The following PACSIN2 variants were observed in gnomAD, a reference collection of about 807,000 sequenced individuals.
PACSIN2 encodes the protein protein kinase C and casein kinase substrate in neurons 2, also known as protein kinase C and casein kinase substrate in neurons protein 2.
In PACSIN2, 25 loss-of-function variants were observed where a neutral mutation model predicts 63.8. That is an observed-to-expected ratio of 0.39 (90% CI 0.29 to 0.55). The LOEUF is 0.55. Ranked by LOEUF, PACSIN2 falls within the 20% of genes least tolerant of loss-of-function variation. The pLI is 0.62. For missense variants in PACSIN2, 518 were observed against 646.9 expected (o/e 0.80, Z 2.16); for synonymous variants, 255 against 256.2 (o/e 1.00, Z 0.05).
chr22:42,954,521 G>A (rs1194205330), intron 1 of PACSIN2, among the ~76,000 whole-genome samples: 2 of 152,164 alleles, frequency 1.3e-5, no homozygotes, highest in Non-Finnish European at 2.9e-5. Flanking sequence ...TGAGCCTTCT[G>A]AAGCTTGGAC....
chr22:42,873,600 G>T (rs1342310119), intron 10 of PACSIN2, among the ~76,000 whole-genome samples: 2 of 152,168 alleles, frequency 1.3e-5, no homozygotes, highest in Non-Finnish European at 1.5e-5. Context: ...TTTCCCACAA[G>T]TGTAGCCTAG....
At chr22:42,890,735 T>A (rs918371884) in intron 4 of PACSIN2, among the ~76,000 whole-genome samples, 4 of 152,084 alleles carry the variant, frequency 2.6e-5, no homozygotes, top group Non-Finnish European at 5.9e-5. Flanking sequence ...AATAAAAAAT[T>A]TAAAGAATGC....
intron 1 of PACSIN2, among the ~76,000 whole-genome samples, chr22:42,933,976 T>C (rs1405026558): frequency 6.6e-6 from 1 of 152,194 alleles, no homozygotes; most frequent in African/African-American, 2.4e-5. Context: ...GATACTCAAA[T>C]ACCAGTGAAA....
chr22:42,981,998 TG>T (rs1800416106), intron 1 of PACSIN2, among the ~76,000 whole-genome samples: 1 of 82,308 alleles, frequency 1.2e-5, no homozygotes, highest in African/African-American at 4.6e-5. Flanking sequence ...GGGAGGGAGG[TG>T]GGGGGGTCAG....
chr22:43,009,870 T>TTTTA (rs1924348931), intron 1 of PACSIN2, among the ~76,000 whole-genome samples: 1 of 68,334 alleles, frequency 1.5e-5, no homozygotes, highest in African/African-American at 3.6e-5. Flanking sequence ...TTTCTATTTT[T>TTTTA]TTTTTTTTTT....
chr22:42,975,543 G>A (rs1921636326), intron 1 of PACSIN2, among the ~76,000 whole-genome samples: 1 of 148,642 alleles, frequency 6.7e-6, no homozygotes, highest in South Asian at 2.1e-4. Context: ...TTACTTATGA[G>A]TCTCTTTTTA....
chr22:42,898,277 C>CTT lies in PACSIN2; in HGVS notation c.61-4666_61-4665dup, dbSNP rs113057498. ...TGGGAAAGAGAACCTCCTTCCTTTTCTTTTTTTTTTTTTGAGACAGTTTCG... is the reference window on the plus strand; with the variant it reads ...TGGGAAAGAGAACCTCCTTCCTTTTCTTTTTTTTTTTTTTTGAGACAGTTTCG... On this transcript the variant is annotated intron_variant, in intron 2 of 10. Transcript: ENST00000263246. Among the ~76,000 whole-genome samples, 684 of 145,298 alleles carry CTT rather than the reference C, an allele frequency of 4.7e-3. 1 individual carries two copies. Among genetic ancestry groups the CTT allele is most frequent in the Non-Finnish European group, 7.6e-3 (504 of 66,134 alleles).
At chr22:42,986,319 C>T (rs1348455644) in intron 1 of PACSIN2, among the ~76,000 whole-genome samples, 2 of 152,198 alleles carry the variant, frequency 1.3e-5, no homozygotes. Context: ...GTCTGGTAAG[C>T]ACCCTGGCTG....
chr22:42,871,375 A>G lies in PACSIN2; in HGVS notation c.1443T>C (p.Tyr481=), dbSNP rs1464782842. The change falls in exon 11 of 11, where the codon TAT becomes TAC. Residue 481 remains tyrosine (Y), a synonymous_variant. Coordinates refer to ENST00000263246, the MANE Select transcript of PACSIN2 (RefSeq NM_001184970.3). This position sits in a 1 kb window ranked among gnomAD's most constrained non-coding sequence, Gnocchi z 5.4. ...CGACTCATCACTGGATCGCCTCCAC[A>G]TAATTTGCCGGGTATAGGCCAACTT... ...NGQVGLYPAN[Y]VEAIQ 3 of 1,613,204 alleles carry G rather than the reference A, an allele frequency of 1.9e-6. No individual in the cohort carries two copies. The highest frequency in any genetic ancestry group is 2.5e-6 in the Non-Finnish European group (3 of 1,179,274).
At chr22:42,889,298 G>A (rs1929722956) in intron 4 of PACSIN2, among the ~76,000 whole-genome samples, 1 of 150,888 alleles carries the variant, frequency 6.6e-6, no homozygotes, top group Admixed American at 6.6e-5. Flanking sequence ...TTCCAAGGAG[G>A]AACCCAGCAT....
chr22:42,913,165 C>T (rs1046021390), intron 1 of PACSIN2, among the ~76,000 whole-genome samples: 8 of 152,136 alleles, frequency 5.3e-5, no homozygotes, highest in Non-Finnish European at 1.0e-4. Context: ...CTCTCTGTGC[C>T]TCGCTTGCCT....
At chr22:42,908,628 G>A (rs983263450) in intron 2 of PACSIN2, among the ~76,000 whole-genome samples, 15 of 152,170 alleles carry the variant, frequency 9.9e-5, no homozygotes, top group Non-Finnish European at 1.5e-4. Flanking sequence ...CTGAGGGAGC[G>A]ACCCACCTGG....
chr22:42,954,227 C>A (rs1376952702), intron 1 of PACSIN2, among the ~76,000 whole-genome samples: 3 of 152,228 alleles, frequency 2.0e-5, no homozygotes, highest in African/African-American at 7.2e-5. Flanking sequence ...CATGCCACTG[C>A]ACTCCAGCCT....
intron 2 of PACSIN2, among the ~76,000 whole-genome samples, chr22:42,902,242 C>G (rs1930740834): frequency 6.6e-6 from 1 of 152,206 alleles, no homozygotes; most frequent in South Asian, 2.1e-4. Context: ...GAGGCGGTAG[C>G]TGAAGACAGC....
chr22:42,893,288 C>T lies in PACSIN2; in HGVS notation c.217+169G>A, dbSNP rs147151318. ...GGAGCCTGTGCCTTCTGGTGATGGG[C>T]GCTAATGCTCCCCATAAAAATCACA... On this transcript the variant is annotated intron_variant, in intron 3 of 10. Coordinates refer to ENST00000263246, the MANE Select transcript of PACSIN2 (RefSeq NM_001184970.3). 1.6e-4 allele frequency among the ~76,000 whole-genome samples: 25 copies of T among 152,312 alleles called. No homozygotes were observed. The East Asian group carries it at 4.0e-3, about 25-fold the overall frequency.
chr22:42,876,753 G>A (rs1928662142), intron 9 of PACSIN2, 135 bp downstream of exon 9: 3 of 1,102,006 alleles, frequency 2.7e-6, no homozygotes, highest in Non-Finnish European at 4.0e-6. Flanking sequence ...GGGCCAGGGT[G>A]CGGCACGCCA....
chr22:42,997,959 C>T lies in PACSIN2; in HGVS notation c.-78+17062G>A, dbSNP rs139791037. Among the ~76,000 whole-genome samples the T allele has an allele frequency of 1.5e-3, 226 of 152,264 alleles. 2 individuals carry two copies. Among genetic ancestry groups the T allele is most frequent in the Non-Finnish European group, 2.4e-3 (166 of 68,004 alleles). ...CGTGTCTCAGAACACCAGTGACCAC[C>T]GTTAGGTGAGCAAGGCAGTAAAATT... On this transcript the variant is annotated intron_variant, in intron 1 of 10. Coordinates refer to ENST00000263246, the MANE Select transcript of PACSIN2 (RefSeq NM_001184970.3).
chr22:42,932,969 C>T (rs955513418), intron 1 of PACSIN2, among the ~76,000 whole-genome samples: 6 of 152,162 alleles, frequency 3.9e-5, no homozygotes, highest in East Asian at 1.9e-4. Flanking sequence ...TGTTAGGAGA[C>T]GAAATGTCCA....
At chr22:42,976,348 G>A (rs1921701472) in intron 1 of PACSIN2, among the ~76,000 whole-genome samples, 1 of 152,228 alleles carries the variant, frequency 6.6e-6, no homozygotes, top group Non-Finnish European at 1.5e-5. Flanking sequence ...AAAGGCCACT[G>A]GCAAGCGCAG....
Sources: gnomAD v4.1 joint callset for allele counts (sites outside exome capture counted in the v4.1 genomes callset) on GRCh38, gnomAD v4.1.1 for gene constraint, Gnocchi (gnomAD v3.1) non-coding constraint, MANE v1.5 for transcripts, NCBI Gene and HGNC (gene_info 2026-07-23, HGNC 2026-07-21) for gene names.